TRIM2: variants seen among roughly 807,000 people sequenced by gnomAD.
TRIM2 encodes tripartite motif-containing protein 2.
A neutral mutation model predicts 75.2 loss-of-function variants in TRIM2; 20 were observed. The observed-to-expected ratio is 0.27, with a 90% CI of 0.19 to 0.39. The LOEUF is 0.39. TRIM2 is among the 10% of genes least tolerant of loss of function. TRIM2 has a pLI of 1.00. For synonymous variants in TRIM2, 373 were observed against 388.3 expected, an observed-to-expected ratio of 0.96 and a Z score of 0.46; for missense variants, 660 against 990.8, an observed-to-expected ratio of 0.67 and a Z score of 4.48.
intron 1 of TRIM2, among the ~76,000 whole-genome samples, chr4:153,194,359 TG>T (rs1314833751): frequency 2.0e-5 from 3 of 152,238 alleles, no homozygotes; most frequent in African/African-American, 7.2e-5. Context: ...AACAACATTT[TG>T]GTTTCTTTCA....
chr4:153,257,007 G>A (rs1469708461), intron 1 of TRIM2, among the ~76,000 whole-genome samples: 1 of 152,140 alleles, frequency 6.6e-6, no homozygotes, highest in African/African-American at 2.4e-5. Flanking sequence ...TCTTTCTAAC[G>A]AGCAAGTGTG....
chr4:153,321,501 T>G (rs1768974848), intron 8 of TRIM2, among the ~76,000 whole-genome samples: 1 of 152,204 alleles, frequency 6.6e-6, no homozygotes, highest in Admixed American at 6.5e-5. Flanking sequence ...GGTATATGAT[T>G]GATAGAAATC....
intron 1 of TRIM2, among the ~76,000 whole-genome samples, chr4:153,236,976 G>A (rs1375715085): frequency 6.6e-6 from 1 of 152,176 alleles, no homozygotes; most frequent in Non-Finnish European, 1.5e-5. Context: ...TAATATGCAT[G>A]AGCCACCTCG....
At chr4:153,310,512 A>T (rs962219163) in intron 6 of TRIM2, among the ~76,000 whole-genome samples, 4 of 152,180 alleles carry the variant, frequency 2.6e-5, no homozygotes, top group African/African-American at 9.7e-5. Flanking sequence ...CATCACCATC[A>T]AGATATTTCT....
intron 1 of TRIM2, among the ~76,000 whole-genome samples, chr4:153,186,851 G>C (rs1398727094): frequency 1.3e-5 from 2 of 152,174 alleles, no homozygotes; most frequent in African/African-American, 4.8e-5. Flanking sequence ...ACCTGTGTGG[G>C]GAAGCCAGCC....
chr4:153,155,879 C>T (rs1579207162), intron 1 of TRIM2, among the ~76,000 whole-genome samples: 1 of 152,168 alleles, frequency 6.6e-6, no homozygotes, highest in Non-Finnish European at 1.5e-5. Context: ...CAAAGTCTAC[C>T]ACTGCAGGGC....
intron 2 of TRIM2, among the ~76,000 whole-genome samples, chr4:153,271,118 G>T (rs779329444): frequency 6.6e-6 from 1 of 152,088 alleles, no homozygotes; most frequent in Non-Finnish European, 1.5e-5. Context: ...GGAGAGGGGC[G>T]TTAATCAGTT....
chr4:153,327,819 C>T (rs189770039), intron 10 of TRIM2, among the ~76,000 whole-genome samples: 48 of 152,194 alleles, frequency 3.2e-4, no homozygotes, highest in African/African-American at 9.4e-4. Context: ...AACAGCTTCC[C>T]GTCTCTCTAC....
At chr4:153,286,028 A>G (rs1760548586) in intron 3 of TRIM2, among the ~76,000 whole-genome samples, 1 of 152,078 alleles carries the variant, frequency 6.6e-6, no homozygotes, top group Non-Finnish European at 1.5e-5. Context: ...TTCTGTTTCT[A>G]GTTTGGCATG....
At chr4:153,331,503 G>A (rs1771476452) in intron 11 of TRIM2, among the ~76,000 whole-genome samples, 1 of 152,062 alleles carries the variant, frequency 6.6e-6, no homozygotes, top group Non-Finnish European at 1.5e-5. Context: ...AATCAAAGAA[G>A]TTCTAAGTAA....
At chr4:153,325,674 C>T (rs945850066) in intron 10 of TRIM2, among the ~76,000 whole-genome samples, 1 of 152,182 alleles carries the variant, frequency 6.6e-6, no homozygotes, top group African/African-American at 2.4e-5. Context: ...AAGAAGGAAA[C>T]CCATATGAGA....
Position 153,315,529 on chromosome 4 carries a change from G to T in TRIM2, c.1555G>T (p.Val519Leu). ...AGGAGAGTTTACAAATCTTCAGGGG[G>T]TAGCTGCATCTACAAATGGAAAGAT... ...NKGEFTNLQG[V>L]AASTNGKILI... The change falls in exon 7 of 12, where the codon GTA (valine) becomes TTA (leucine). Residue 519 changes from valine to leucine, a missense_variant. Val to Leu is a conservative substitution (Grantham distance 32, BLOSUM62 1). This residue lies in a region of TRIM2 where 620 missense variants were observed against 891.0 expected (regional missense o/e 0.70). Coordinates refer to ENST00000338700, the MANE Select transcript of TRIM2 (RefSeq NM_015271.5). The T allele has an allele frequency of 1.9e-6, 3 of 1,610,834 alleles. No individual in the cohort carries two copies. The highest frequency in any genetic ancestry group is 1.7e-6 in the Non-Finnish European group (2 of 1,179,268).
At chr4:153,314,025 T>G (rs1766987360) in intron 6 of TRIM2, among the ~76,000 whole-genome samples, 2 of 152,162 alleles carry the variant, frequency 1.3e-5, no homozygotes, top group Admixed American at 6.5e-5. Flanking sequence ...TCCTGGTCAT[T>G]TTTGAGCAAA....
chr4:153,201,498 T>C (rs1734363180), upstream of TRIM2, among the ~76,000 whole-genome samples: 1 of 152,114 alleles, frequency 6.6e-6, no homozygotes. Flanking sequence ...ATTCTATAGG[T>C]TGTCTTTTCA....
intron 1 of TRIM2, among the ~76,000 whole-genome samples, chr4:153,226,723 G>A (rs1322146483): frequency 1.3e-5 from 2 of 152,178 alleles, no homozygotes; most frequent in African/African-American, 2.4e-5. Flanking sequence ...CTTCGGGGAT[G>A]ATGACTTTGA....
intron 1 of TRIM2, among the ~76,000 whole-genome samples, chr4:153,165,758 G>T (rs1730236805): frequency 6.6e-6 from 1 of 152,054 alleles, no homozygotes; most frequent in Non-Finnish European, 1.5e-5. Context: ...CATTGCTGCT[G>T]GGTCCTCCAT....
chr4:153,259,542 A>G (rs1752890840), intron 1 of TRIM2, among the ~76,000 whole-genome samples: 1 of 152,220 alleles, frequency 6.6e-6, no homozygotes, highest in South Asian at 2.1e-4. Context: ...TTTGAATTTT[A>G]AAAAATGTGC....
Position 153,338,882 on chromosome 4 carries a change from T to C in TRIM2, c.*3916T>C. 1 of 985,804 alleles carries C rather than the reference T, an allele frequency of 1.0e-6. No homozygotes were observed. Among genetic ancestry groups the C allele is most frequent in the Non-Finnish European group, 1.2e-6 (1 of 829,880 alleles). 61.1% of individuals were successfully genotyped at this position (985,804 alleles called of 1,614,324 possible). The stretch of plus-strand genomic sequence containing the variant: ...AATGTTCTGTCATCAATGGAGTGTA[T>C]TCTTGTAATAGAATTCTTTATATCG... On this transcript the variant is annotated 3_prime_UTR_variant, in exon 12 of 12. Transcript: ENST00000338700.
chr4:153,200,724 A>AAT (rs1328920767), upstream of TRIM2, among the ~76,000 whole-genome samples: 2,359 of 138,040 alleles, frequency 0.017, 29 homozygotes, highest in Non-Finnish European at 0.023. Flanking sequence ...AAGAAAAAAA[A>AAT]ATATATATAT....
Sources: allele counts gnomAD v4.1 joint callset (sites outside exome capture counted in the v4.1 genomes callset), GRCh38; gene constraint gnomAD v4.1.1; regional missense constraint gnomAD v4.1.1; transcripts MANE v1.5; gene names NCBI Gene and HGNC (gene_info 2026-07-23, HGNC 2026-07-21).